The following SYNPO variants were observed in gnomAD, a reference collection of about 807,000 sequenced individuals.
SYNPO encodes the protein synaptopodin.
In SYNPO, 19 loss-of-function variants were observed where a neutral mutation model predicts 49.5. The observed-to-expected ratio is 0.38, with a 90% CI of 0.27 to 0.56. SYNPO has a LOEUF of 0.56. Among genes scored for constraint, SYNPO ranks in the 20% least tolerant of loss-of-function variants. SYNPO has a pLI of 0.68. For synonymous variants in SYNPO, 536 were observed against 548.0 expected, an observed-to-expected ratio of 0.98 and a Z score of 0.31; for missense variants, 1,131 against 1,248.3, an observed-to-expected ratio of 0.91 and a Z score of 1.42.
Position 150,656,739 on chromosome 5 carries a change from G to GCCCCCCCCCCC in SYNPO, c.2366_2367insCCCCCCCCCCC (p.Pro793HisfsTer150). 1 of 1,266,880 alleles carries GCCCCCCCCCCC rather than the reference G, an allele frequency of 7.9e-7. No individual in the cohort carries two copies. Among genetic ancestry groups the GCCCCCCCCCCC allele is most frequent in the African/African-American group, 1.7e-5 (1 of 57,334 alleles). 78.5% of individuals were successfully genotyped at this position (1,266,880 alleles called of 1,614,324 possible). A position where few individuals can be genotyped will look rare whatever the true frequency, so the allele number is the denominator to read the frequency against. The stretch of plus-strand genomic sequence containing the variant: ...CGCGGCCCTTCTCCCCGCCGAGGGC[G>GCCCCCCCCCCC]CCACCGCCCCCGCCCCCGCCCCCGC... On this transcript the variant is annotated frameshift_variant, in exon 3 of 3. Coordinates refer to ENST00000307662, the MANE Select transcript of SYNPO (RefSeq NM_007286.6). LOFTEE classifies it low-confidence loss of function (END_TRUNC).
rs1375761263 is a variant in SYNPO, at chr5:150,647,984, A to G, written c.-292A>G. The G allele has an allele frequency of 6.4e-7, 1 of 1,551,892 alleles. No homozygotes were observed. Among genetic ancestry groups the G allele is most frequent in the Non-Finnish European group, 8.7e-7 (1 of 1,147,004 alleles). On this transcript the variant is annotated 5_prime_UTR_variant, in exon 2 of 3. Transcript: ENST00000307662. Reference sequence around the variant, plus strand: ...CTAGCCTCACGGAGAAGGATCTGAAAGAAGCCAAGGCGCGGAGCCAGCAGA... The same window carrying G: ...CTAGCCTCACGGAGAAGGATCTGAAGGAAGCCAAGGCGCGGAGCCAGCAGA...
rs759236741 is a variant in SYNPO, at chr5:150,648,270, C to T, written c.-6C>T. On this transcript the variant is annotated 5_prime_UTR_variant, in exon 2 of 3. Coordinates refer to ENST00000307662, the MANE Select transcript of SYNPO (RefSeq NM_007286.6). The surrounding 1 kb of genome is among the most constrained non-coding windows in gnomAD (Gnocchi z 5.0). ...GAGCCCCGACAGAGGGGTCCCTGGC[C>T]ACAGCATGGAGGGGTACTCAGAGGA... 3.7e-6 allele frequency: 6 copies of T among 1,614,176 alleles called. No homozygotes were observed. In the Admixed American group the frequency reaches 8.3e-5, roughly 22 times the overall value.
Position 150,602,840 on chromosome 5 carries a change from C to T in SYNPO, c.-266+1652C>T, listed in dbSNP as rs12653518. On this transcript the variant is annotated intron_variant, in intron 1 of 2. Transcript: ENST00000394243. The stretch of plus-strand genomic sequence containing the variant: ...ACAGACATGAGCCACCACGTGTAGC[C>T]GCTTTCATCATTTTAAATGTTCCTA... Among the ~76,000 whole-genome samples the T allele has an allele frequency of 6.2e-3, 949 of 152,204 alleles. 51 individuals are homozygous for T. In the East Asian group the frequency reaches 0.12, roughly 20 times the overall value.
At chr5:150,619,984 G>C (rs948868938) in intron 2 of SYNPO, among the ~76,000 whole-genome samples, 1 of 152,110 alleles carries the variant, frequency 6.6e-6, no homozygotes, top group South Asian at 2.1e-4. Flanking sequence ...CCTCACACCA[G>C]AGTCCGCCCA....
intron 2 of SYNPO, chr5:150,650,766 C>T: frequency 7.8e-7 from 1 of 1,281,840 alleles, no homozygotes; most frequent in Non-Finnish European, 9.9e-7. Context: ...GAGGGTCTGC[C>T]TCCTCAGCTG....
At chr5:150,629,091 T>C (rs1254812107) in intron 2 of SYNPO, among the ~76,000 whole-genome samples, 1 of 152,154 alleles carries the variant, frequency 6.6e-6, no homozygotes, top group East Asian at 1.9e-4. Flanking sequence ...TGATTATGGC[T>C]CACTGCCGCC....
At chr5:150,588,570 T>C in the SYNPO span, among the ~76,000 whole-genome samples, 3 of 151,734 alleles carry the variant, frequency 2.0e-5, no homozygotes, top group East Asian at 1.9e-4. Context: ...ACACCCAGGA[T>C]TGTGGGAGTC....
chr5:150,648,073 G>T lies in SYNPO; in HGVS notation c.-203G>T. 1 of 1,551,760 alleles carries T rather than the reference G, an allele frequency of 6.4e-7. No individual in the cohort carries two copies. The highest frequency in any genetic ancestry group is 8.7e-7 in the Non-Finnish European group (1 of 1,146,988). On this transcript the variant is annotated 5_prime_UTR_variant, in exon 2 of 3. Transcript: ENST00000307662. The surrounding 1 kb of genome is among the most constrained non-coding windows in gnomAD (Gnocchi z 5.0). ...CGTGGCGTCCAGCTCTTCAACAGGC[G>T]CCGGCAGAGGGTGAACGAGTTCACC...
At chr5:150,646,597 C>T (rs369705094) in intron 1 of SYNPO, among the ~76,000 whole-genome samples, 1 of 151,986 alleles carries the variant, frequency 6.6e-6, no homozygotes, top group East Asian at 1.9e-4. Context: ...TGGTGGCATA[C>T]ATCTGTAGTC....
chr5:150,597,907 G>A (rs1756452827), upstream of SYNPO, among the ~76,000 whole-genome samples: 1 of 152,082 alleles, frequency 6.6e-6, no homozygotes. Context: ...CAAAATGCTG[G>A]GATTACAGGC....
intron 1 of SYNPO, among the ~76,000 whole-genome samples, chr5:150,613,450 G>C (rs956460759): frequency 6.6e-6 from 1 of 152,174 alleles, no homozygotes; most frequent in African/African-American, 2.4e-5. Context: ...GGCCTTGATG[G>C]ATGATCTTTA....
rs1758224914 is a variant in SYNPO, at chr5:150,648,903, T to A, written c.628T>A (p.Ser210Thr). 1.9e-6 allele frequency: 3 copies of A among 1,614,158 alleles called. No individual in the cohort carries two copies. The highest frequency in any genetic ancestry group is 2.5e-6 in the Non-Finnish European group (3 of 1,180,030). Residue 210 changes from serine (S) to threonine (T), a missense_variant, in exon 2 of 3, where the codon TCT becomes ACT. Ser to Thr is a moderately conservative substitution (Grantham distance 58). This residue lies in a region of SYNPO where 602 missense variants were observed against 720.7 expected (regional missense o/e 0.84). Transcript: ENST00000307662. The surrounding 1 kb of genome is among the most constrained non-coding windows in gnomAD (Gnocchi z 5.0). ...AGTGGTGTCAGCAGATCAAGAGATG[T>A]CTGGGCGAGCAGCTGCCACCACGCC... ...TLVVSADQEM[S>T]GRAAATTPTK...
intron 1 of SYNPO, among the ~76,000 whole-genome samples, chr5:150,612,540 C>G (rs1756877689): frequency 1.3e-5 from 2 of 152,150 alleles, no homozygotes; most frequent in Non-Finnish European, 1.5e-5. Flanking sequence ...ACATTTGGAG[C>G]TAGACCATCA....
chr5:150,650,350 C>T (rs1421791043), intron 2 of SYNPO, 47 bp downstream of exon 2: 2 of 1,612,104 alleles, frequency 1.2e-6, no homozygotes, highest in East Asian at 2.2e-5. Context: ...CCACGGGGGT[C>T]CCACTGCCGG....
At chr5:150,606,006 T>C (rs1482798914) in intron 1 of SYNPO, among the ~76,000 whole-genome samples, 2 of 151,838 alleles carry the variant, frequency 1.3e-5, no homozygotes, top group Non-Finnish European at 2.9e-5. Flanking sequence ...CACAGACACA[T>C]ATATACAAAA....
chr5:150,604,677 C>T (rs1756642465), intron 1 of SYNPO, among the ~76,000 whole-genome samples: 1 of 152,196 alleles, frequency 6.6e-6, no homozygotes, highest in African/African-American at 2.4e-5. Context: ...CAGGCGACTG[C>T]GTCTCAACTC....
chr5:150,596,845 G>T (rs1289476143), upstream of SYNPO, among the ~76,000 whole-genome samples: 1 of 152,192 alleles, frequency 6.6e-6, no homozygotes, highest in East Asian at 1.9e-4. Flanking sequence ...AGGCTAGAAG[G>T]TAAGGGAAGA....
intron 2 of SYNPO, chr5:150,624,931 C>A (rs957585131): frequency 2.0e-6 from 2 of 985,412 alleles, no homozygotes; most frequent in African/African-American, 3.5e-5. Flanking sequence ...GCTGGCCTGG[C>A]AGGGGTGCGG....
At chr5:150,620,901 CTTTCTTTCTT>C (rs1424447179) in intron 2 of SYNPO, among the ~76,000 whole-genome samples, 3 of 87,688 alleles carry the variant, frequency 3.4e-5, no homozygotes, top group Admixed American at 1.1e-4. Context: ...CTTTTTTTCT[CTTTCTTTCTT>C]TCTTTCTTTC....
Sources: gnomAD v4.1 joint callset for allele counts (sites outside exome capture counted in the v4.1 genomes callset) on GRCh38, gnomAD v4.1.1 for gene constraint, gnomAD v4.1.1 regional missense constraint, Gnocchi (gnomAD v3.1) non-coding constraint, MANE v1.5 for transcripts, NCBI Gene and HGNC (gene_info 2026-07-23, HGNC 2026-07-21) for gene names.